Variants in DEPDC1B observed in about 807,000 individuals in gnomAD.
DEPDC1B encodes DEP domain containing 1B, also known as DEP domain-containing protein 1B.
Under a neutral mutation model 66.5 loss-of-function variants are expected in DEPDC1B, and 51 were observed. The observed-to-expected ratio is 0.77, with a 90% CI of 0.61 to 0.97. The LOEUF (loss-of-function observed/expected upper bound fraction) is 0.97, where lower values mean the gene tolerates loss of function less well. Among genes scored for constraint, DEPDC1B ranks in the 50% least tolerant of loss-of-function variants. DEPDC1B has a pLI of 0.00. For synonymous variants in DEPDC1B, 226 were observed against 223.6 expected (o/e 1.01, Z -0.10); for missense variants, 552 against 637.1 (o/e 0.87, Z 1.44).
At chr5:60,617,129 T>C (rs1752576337) in intron 7 of DEPDC1B, among the ~76,000 whole-genome samples, 1 of 152,094 alleles carries the variant, frequency 6.6e-6, no homozygotes, top group Non-Finnish European at 1.5e-5. Context: ...AAAGAGCTCC[T>C]GAAGGAAGCA....
At chr5:60,670,602 A>T (rs995672552) in intron 2 of DEPDC1B, among the ~76,000 whole-genome samples, 1 of 152,218 alleles carries the variant, frequency 6.6e-6, no homozygotes, top group Non-Finnish European at 1.5e-5. Context: ...ACATTACCTG[A>T]TTTCAATGGA....
At chr5:60,599,384 T>C (rs1034236287) in intron 9 of DEPDC1B, 124 bp from the exon 10 acceptor site, 1 of 574,802 alleles carries the variant, frequency 1.7e-6, no homozygotes, top group African/African-American at 2.2e-5. Flanking sequence ...TCCTCAAAAT[T>C]TGATTGGGGG....
chr5:60,667,540 T>C (rs188455094), intron 2 of DEPDC1B, among the ~76,000 whole-genome samples: 2,751 of 110,530 alleles, frequency 0.025, 126 homozygotes, highest in East Asian at 0.067. Context: ...TACATATATA[T>C]AAAAAATGGA....
At chr5:60,677,346 T>A (rs1053447906) in intron 2 of DEPDC1B, among the ~76,000 whole-genome samples, 31 of 145,370 alleles carry the variant, frequency 2.1e-4, no homozygotes, top group African/African-American at 7.2e-4. Context: ...TCTCTCTCTC[T>A]CTCTCTCTCT....
chr5:60,614,564 T>A (rs921873415), intron 7 of DEPDC1B, among the ~76,000 whole-genome samples: 3 of 152,242 alleles, frequency 2.0e-5, no homozygotes, highest in African/African-American at 7.2e-5. Flanking sequence ...CTCTTTTTTT[T>A]AATTTATCAT....
chr5:60,644,079 A>ATT (rs1753254314), intron 5 of DEPDC1B, among the ~76,000 whole-genome samples: 1 of 152,226 alleles, frequency 6.6e-6, no homozygotes, highest in Non-Finnish European at 1.5e-5. Flanking sequence ...TTTGAACTAA[A>ATT]GGAAGAACAA....
intron 2 of DEPDC1B, among the ~76,000 whole-genome samples, chr5:60,680,621 A>C (rs1754277124): frequency 6.6e-6 from 1 of 152,236 alleles, no homozygotes; most frequent in Non-Finnish European, 1.5e-5. Context: ...TCTCTAACAA[A>C]TAGATAAAGG....
chr5:60,610,188 C>T (rs952844345), intron 7 of DEPDC1B, among the ~76,000 whole-genome samples: 3 of 152,240 alleles, frequency 2.0e-5, no homozygotes, highest in Admixed American at 6.5e-5. Flanking sequence ...TGACCCATCT[C>T]TTATTGGGAT....
At position 60,667,887 on chromosome 5, in the gene DEPDC1B, G is replaced by GGATATTTTATATATA. The variant is rs1753904998; in HGVS notation, c.314+19074_314+19075insTATATATAAAATATC. On this transcript the variant is annotated intron_variant, in intron 2 of 10. Transcript: ENST00000265036. ...TAAAAAATGGATATTTTACATATAT[G>GGATATTTTATATATA]TAAAAAATGGATATTTTATATATAT... is the stretch of plus-strand genomic sequence containing the variant. Among the ~76,000 whole-genome samples the GGATATTTTATATATA allele has an allele frequency of 3.5e-4, 15 of 42,988 alleles. 5 individuals are homozygous for GGATATTTTATATATA. The highest frequency in any genetic ancestry group is 7.2e-4 in the Admixed American group (2 of 2,792). The allele number at this position is 42,988 out of a possible 152,430, so 28.2% of individuals were successfully genotyped here.
At chr5:60,666,919 C>T (rs1257761940) in intron 2 of DEPDC1B, among the ~76,000 whole-genome samples, 1 of 152,216 alleles carries the variant, frequency 6.6e-6, no homozygotes, top group African/African-American at 2.4e-5. Context: ...TCTAGCCCAA[C>T]TGACACCACC....
At chr5:60,686,711 G>T (rs1461487596) in intron 2 of DEPDC1B, among the ~76,000 whole-genome samples, 1 of 152,160 alleles carries the variant, frequency 6.6e-6, no homozygotes, top group Non-Finnish European at 1.5e-5. Flanking sequence ...TGAGCAAAAG[G>T]CATGAAAAGA....
intron 2 of DEPDC1B, among the ~76,000 whole-genome samples, chr5:60,657,315 G>A (rs184970422): frequency 6.6e-6 from 1 of 151,644 alleles, no homozygotes; most frequent in Non-Finnish European, 1.5e-5. Context: ...GAGAAGTGAG[G>A]TACTATTCTA....
chr5:60,653,337 T>C (rs141231349), intron 2 of DEPDC1B, among the ~76,000 whole-genome samples: 26 of 150,028 alleles, frequency 1.7e-4, no homozygotes, highest in Non-Finnish European at 3.1e-4. Flanking sequence ...TGATTTGCAT[T>C]TCCCTCATCG....
At chr5:60,647,336 T>C (rs1335854819) in intron 3 of DEPDC1B, 62 bp downstream of exon 3, 1 of 1,522,452 alleles carries the variant, frequency 6.6e-7, no homozygotes, top group East Asian at 2.4e-5. Flanking sequence ...AGACCAAGCC[T>C]AGGAGTTCAT....
At chr5:60,666,044 G>A (rs1184873964) in intron 2 of DEPDC1B, among the ~76,000 whole-genome samples, 8 of 152,180 alleles carry the variant, frequency 5.3e-5, no homozygotes, top group African/African-American at 1.4e-4. Flanking sequence ...TCTGGTCCGC[G>A]TTTGTTACAG....
rs1164824702 is a variant in DEPDC1B, at chr5:60,685,211, G to A, written c.314+1751C>T. Among the ~76,000 whole-genome samples the A allele has an allele frequency of 2.6e-5, 4 of 152,208 alleles. No homozygotes were observed. The East Asian group carries it at 7.7e-4, about 29-fold the overall frequency. On this transcript the variant is annotated intron_variant, in intron 2 of 10. Coordinates refer to ENST00000265036, the MANE Select transcript of DEPDC1B (RefSeq NM_018369.3). ...TAATAGAAGCCTGCATGTATGCAAC[G>A]GCCGGCTGTACACTCATTAGCTCAC... is the stretch of plus-strand genomic sequence containing the variant.
intron 2 of DEPDC1B, among the ~76,000 whole-genome samples, chr5:60,659,448 G>A (rs1049730279): frequency 6.6e-6 from 1 of 152,160 alleles, no homozygotes; most frequent in Non-Finnish European, 1.5e-5. Context: ...CAGGTGTGAG[G>A]CTATCTAGGG....
In DEPDC1B at chr5:60,700,164, A is replaced by T; in HGVS notation, c.-71T>A. On this transcript the variant is annotated 5_prime_UTR_variant, in exon 1 of 11. Transcript: ENST00000265036. Reference sequence around the variant, plus strand: ...GCCAGCCGGAGGAGCAGCAGTTTGAATCCCAAGCCCGCGGGCTGCGGGCGC... The same window carrying T: ...GCCAGCCGGAGGAGCAGCAGTTTGATTCCCAAGCCCGCGGGCTGCGGGCGC... 6.8e-7 allele frequency: 1 copy of T among 1,472,810 alleles called. No homozygotes were observed. The highest frequency in any genetic ancestry group is 9.0e-7 in the Non-Finnish European group (1 of 1,112,516). The allele number at this position is 1,472,810 out of a possible 1,614,324, so 91.2% of individuals were successfully genotyped here.
At chr5:60,614,913 C>T (rs894616101) in intron 7 of DEPDC1B, among the ~76,000 whole-genome samples, 6 of 152,168 alleles carry the variant, frequency 3.9e-5, no homozygotes, top group Non-Finnish European at 8.8e-5. Flanking sequence ...ATCACTTGAA[C>T]CTGGGAAGCA....
Sources: gnomAD v4.1 joint callset for allele counts (sites outside exome capture counted in the v4.1 genomes callset) on GRCh38, gnomAD v4.1.1 for gene constraint, MANE v1.5 for transcripts, NCBI Gene and HGNC (gene_info 2026-07-23, HGNC 2026-07-21) for gene names.